The following PITPNC1 variants were observed in gnomAD, a reference collection of about 807,000 sequenced individuals.
The protein encoded by PITPNC1 is phosphatidylinositol transfer protein cytoplasmic 1, also known as cytoplasmic phosphatidylinositol transfer protein 1.
Under a neutral mutation model 44.7 loss-of-function variants are expected in PITPNC1, and 18 were observed. That is an observed-to-expected ratio of 0.40 (90% CI 0.28 to 0.60). PITPNC1 has a LOEUF of 0.60. Among genes scored for constraint, PITPNC1 ranks in the 20% least tolerant of loss-of-function variants. The pLI, the probability that PITPNC1 is intolerant of heterozygous loss-of-function variation, is 0.39. For synonymous variants in PITPNC1, 141 were observed against 149.6 expected (o/e 0.94, Z 0.42); for missense variants, 290 against 418.4 (o/e 0.69, Z 2.68).
intron 1 of PITPNC1, among the ~76,000 whole-genome samples, chr17:67,427,333 C>A (rs2038781969): frequency 1.3e-5 from 2 of 152,134 alleles, no homozygotes; most frequent in South Asian, 4.1e-4. Context: ...GCTTCAGCCT[C>A]CCGAGTAGCT....
chr17:67,589,845 G>A (rs1469816751), intron 5 of PITPNC1, among the ~76,000 whole-genome samples: 4 of 152,128 alleles, frequency 2.6e-5, no homozygotes, highest in Non-Finnish European at 5.9e-5. Context: ...GCACATGCCT[G>A]TAATCCCAGC....
At chr17:67,595,166 A>G (rs2041443966) in intron 5 of PITPNC1, among the ~76,000 whole-genome samples, 1 of 152,252 alleles carries the variant, frequency 6.6e-6, no homozygotes, top group Admixed American at 6.5e-5. Context: ...TAGTGTTTGC[A>G]TATCAAATGT....
intron 5 of PITPNC1, among the ~76,000 whole-genome samples, chr17:67,621,826 G>A (rs957062852): frequency 8.6e-5 from 13 of 152,026 alleles, no homozygotes; most frequent in East Asian, 7.7e-4. Flanking sequence ...ACCAAAAATG[G>A]TTCTGAGGCC....
intron 1 of PITPNC1, among the ~76,000 whole-genome samples, chr17:67,418,588 GCT>G (rs1431542996): frequency 1.3e-5 from 2 of 151,654 alleles, no homozygotes; most frequent in Non-Finnish European, 2.9e-5. Flanking sequence ...ATGGAGTTTT[GCT>G]CTGTCACCCA....
chr17:67,443,444 G>A (rs1430556069), intron 1 of PITPNC1, among the ~76,000 whole-genome samples: 3 of 151,216 alleles, frequency 2.0e-5, no homozygotes, highest in Non-Finnish European at 3.0e-5. Context: ...TTCATTTTTC[G>A]ACTGTGATTT....
At chr17:67,387,190 A>G (rs919253104) in intron 1 of PITPNC1, among the ~76,000 whole-genome samples, 3 of 152,202 alleles carry the variant, frequency 2.0e-5, no homozygotes, top group Admixed American at 6.5e-5. Flanking sequence ...GTGGGAGTAG[A>G]GCAGTGTGAT....
intron 1 of PITPNC1, among the ~76,000 whole-genome samples, chr17:67,471,240 T>TAA (rs758005772): frequency 3.4e-5 from 4 of 118,356 alleles, no homozygotes; most frequent in Non-Finnish European, 5.4e-5. Flanking sequence ...AAAAAAAATG[T>TAA]AAAAAAAAAA....
At chr17:67,650,885 T>C (rs1429674052) in intron 6 of PITPNC1, among the ~76,000 whole-genome samples, 2 of 152,210 alleles carry the variant, frequency 1.3e-5, no homozygotes, top group African/African-American at 2.4e-5. Context: ...AACAGAAACA[T>C]TCCCCTTGCC....
At chr17:67,488,338 T>C (rs967746047) in intron 1 of PITPNC1, among the ~76,000 whole-genome samples, 1 of 152,306 alleles carries the variant, frequency 6.6e-6, no homozygotes, top group African/African-American at 2.4e-5. Context: ...GGTTGTTATA[T>C]AATGTGAACC....
chr17:67,546,472 A>G (rs1238694836), intron 2 of PITPNC1, among the ~76,000 whole-genome samples: 1 of 152,022 alleles, frequency 6.6e-6, no homozygotes, highest in Non-Finnish European at 1.5e-5. Context: ...GTGCTCCTGT[A>G]GGAACTCATA....
At chr17:67,513,393 CTATATCTAT>C (rs1360263289) in intron 1 of PITPNC1, among the ~76,000 whole-genome samples, 2 of 144,972 alleles carry the variant, frequency 1.4e-5, no homozygotes, top group Admixed American at 7.0e-5. Context: ...ATATCTATAT[CTATATCTAT>C]ATCTACATCT....
At chr17:67,436,343 C>T (rs1040659375) in intron 1 of PITPNC1, among the ~76,000 whole-genome samples, 17 of 152,054 alleles carry the variant, frequency 1.1e-4, no homozygotes, top group African/African-American at 4.1e-4. Context: ...AAAATTTCTG[C>T]GAGGATTTGA....
intron 1 of PITPNC1, among the ~76,000 whole-genome samples, chr17:67,486,973 C>CA (rs1413025231): frequency 2.0e-5 from 3 of 150,940 alleles, no homozygotes; most frequent in African/African-American, 2.4e-5. Context: ...GCGGAGGTTG[C>CA]AGTGAGCTGA....
chr17:67,447,645 G>A (rs977863917), intron 1 of PITPNC1, among the ~76,000 whole-genome samples: 1 of 151,314 alleles, frequency 6.6e-6, no homozygotes, highest in African/African-American at 2.4e-5. Context: ...GGGATTTCAG[G>A]CCTGAGCCAC....
At chr17:67,592,699 TTC>T (rs1257584619) in intron 5 of PITPNC1, among the ~76,000 whole-genome samples, 4 of 152,210 alleles carry the variant, frequency 2.6e-5, no homozygotes, top group African/African-American at 9.6e-5. Flanking sequence ...AAAGATAACT[TTC>T]TCAGTAAATG....
At chr17:67,605,455 G>A (rs2041596351) in intron 5 of PITPNC1, among the ~76,000 whole-genome samples, 1 of 152,180 alleles carries the variant, frequency 6.6e-6, no homozygotes, top group Admixed American at 6.5e-5. Flanking sequence ...GGCCTGTGGC[G>A]AGTCCTCCCG....
intron 2 of PITPNC1, among the ~76,000 whole-genome samples, chr17:67,543,897 C>T (rs778361542): frequency 3.3e-5 from 5 of 152,138 alleles, no homozygotes; most frequent in African/African-American, 4.8e-5. Flanking sequence ...GTCACCCAGG[C>T]AGGAGTGCGG....
At chr17:67,453,245 G>A (rs1034706010) in intron 1 of PITPNC1, among the ~76,000 whole-genome samples, 1 of 152,160 alleles carries the variant, frequency 6.6e-6, no homozygotes, top group Non-Finnish European at 1.5e-5. Flanking sequence ...CAAAAGATGA[G>A]GTACCAGTCA....
chr17:67,465,611 C>T (rs1365571706), intron 1 of PITPNC1, among the ~76,000 whole-genome samples: 2 of 152,088 alleles, frequency 1.3e-5, no homozygotes, highest in Non-Finnish European at 2.9e-5. Flanking sequence ...GACAGAGCCC[C>T]TGCACTGGAT....
Sources: allele counts gnomAD v4.1 joint callset (sites outside exome capture counted in the v4.1 genomes callset), GRCh38; gene constraint gnomAD v4.1.1; transcripts MANE v1.5; gene names NCBI Gene and HGNC (gene_info 2026-07-23, HGNC 2026-07-21).